Variants in MAK observed in about 807,000 individuals in gnomAD.
The protein encoded by MAK is male germ cell associated kinase.
MAK carries 65 observed loss-of-function variants against 82.6 expected under a neutral mutation model. The observed-to-expected ratio is 0.79, with a 90% CI of 0.64 to 0.97. The LOEUF is 0.97. MAK is among the 50% of genes least tolerant of loss of function. The pLI is 0.00. For synonymous variants in MAK, 250 were observed against 274.2 expected (o/e 0.91, Z 0.87); for missense variants, 703 against 780.2 (o/e 0.90, Z 1.18).
intron 2 of MAK, among the ~76,000 whole-genome samples, chr6:10,821,943 G>A (rs914644672): frequency 1.3e-5 from 2 of 150,662 alleles, no homozygotes; most frequent in Non-Finnish European, 1.5e-5. Context: ...GTCAGGAGAT[G>A]GAGACCCTCC....
chr6:10,784,833 G>A, intron 10 of MAK: 1 of 608,194 alleles, frequency 1.6e-6, no homozygotes, highest in Non-Finnish European at 3.1e-6. Flanking sequence ...TGTGTAACAT[G>A]TTTCTATCTG....
intron 6 of MAK, among the ~76,000 whole-genome samples, chr6:10,804,452 C>G (rs1221428416): frequency 6.6e-6 from 1 of 152,188 alleles, no homozygotes; most frequent in East Asian, 1.9e-4. Flanking sequence ...AAGTGATTAT[C>G]CTGCCTCAGC....
chr6:10,835,504 C>T (rs1185761060), intron 1 of MAK, among the ~76,000 whole-genome samples: 1 of 152,250 alleles, frequency 6.6e-6, no homozygotes, highest in East Asian at 1.9e-4. Context: ...ATGTGATCCA[C>T]CTGCCTCGGC....
At chr6:10,831,285 T>C (rs1562009986) in intron 1 of MAK, among the ~76,000 whole-genome samples, 1 of 152,238 alleles carries the variant, frequency 6.6e-6, no homozygotes, top group Non-Finnish European at 1.5e-5. Flanking sequence ...GGAATATAAG[T>C]ACCCCAATTG....
At chr6:10,795,855 T>G in intron 9 of MAK, 143 bp downstream of exon 9, 1 of 846,554 alleles carries the variant, frequency 1.2e-6, no homozygotes, top group South Asian at 1.5e-5. Flanking sequence ...TGATCTCATG[T>G]CAAGCTCCAA....
chr6:10,832,403 G>T (rs1778875696), intron 1 of MAK, among the ~76,000 whole-genome samples: 1 of 152,228 alleles, frequency 6.6e-6, no homozygotes, highest in Non-Finnish European at 1.5e-5. Flanking sequence ...ATATTACAGA[G>T]AAATCTTTTA....
At chr6:10,829,539 C>T (rs964338304) in intron 2 of MAK, among the ~76,000 whole-genome samples, 2 of 152,102 alleles carry the variant, frequency 1.3e-5, no homozygotes, top group Admixed American at 1.3e-4. Context: ...GCACGCCAGC[C>T]TGGGCAACAG....
chr6:10,775,469 A>G lies in MAK; in HGVS notation c.1466-10T>C. Reference sequence around the variant, plus strand: ...TTCTTGGGATTCACACCTGAGAAGAACAAAACAACCACTTCAAAGGTTAGA... The same window carrying G: ...TTCTTGGGATTCACACCTGAGAAGAGCAAAACAACCACTTCAAAGGTTAGA... On this transcript the variant is annotated splice_polypyrimidine_tract_variant and intron_variant, in intron 11 of 14. Coordinates refer to ENST00000354489, the MANE Select transcript of MAK (RefSeq NM_001242957.3). The G allele has an allele frequency of 6.2e-7, 1 of 1,612,058 alleles. No individual in the cohort carries two copies. The highest frequency in any genetic ancestry group is 1.1e-5 in the South Asian group (1 of 91,008).
At chr6:10,813,848 A>C in intron 4 of MAK, 125 bp from the exon 5 acceptor site, 2 of 726,942 alleles carry the variant, frequency 2.8e-6, no homozygotes, top group Non-Finnish European at 5.1e-6. Context: ...CCTATGATTT[A>C]TAGATTTATA....
chr6:10,814,961 C>T (rs1581742332), intron 4 of MAK, among the ~76,000 whole-genome samples: 2 of 151,530 alleles, frequency 1.3e-5, no homozygotes, highest in South Asian at 2.1e-4. Flanking sequence ...CGCTTGAACC[C>T]GGAGGGTGGA....
intron 5 of MAK, among the ~76,000 whole-genome samples, chr6:10,813,124 ATATATATATAAATTTTTT>A (rs1561987470): frequency 0.013 from 11 of 818 alleles, no homozygotes; most frequent in East Asian, 0.062. Context: ...ATATATATAT[ATATATATATAAATTTTTT>A]TTTTTTTTTT....
rs126405 is a variant in MAK, at chr6:10,764,494, A to G, written c.1905T>C (p.His635=). 1,278,898 of 1,613,428 alleles carry G rather than the reference A, an allele frequency of 0.79. 508,641 individuals carry two copies. Among genetic ancestry groups the G allele is most frequent in the African/African-American group, 0.94 (70,236 of 74,968 alleles). The change falls in exon 15 of 15, where the codon CAT becomes CAC. Residue 635 remains histidine, a synonymous_variant. Coordinates refer to ENST00000354489, the MANE Select transcript of MAK (RefSeq NM_001242957.3). ...VNRAQPIPSV[H]GRTDWVAKYG... is the part of the protein sequence containing the mutation. ...ACTTGGCCACCCAGTCTGTCCTCCC[A>G]TGCACTGAGGGAATGGGCTGTGCAC...
intron 6 of MAK, among the ~76,000 whole-genome samples, chr6:10,806,821 A>G (rs1285306846): frequency 3.9e-5 from 6 of 152,004 alleles, no homozygotes; most frequent in South Asian, 4.1e-4. Context: ...TTGATGCAGC[A>G]TAAAAACCCA....
At chr6:10,765,436 G>A (rs1772318414) in intron 14 of MAK, among the ~76,000 whole-genome samples, 1 of 129,416 alleles carries the variant, frequency 7.7e-6, no homozygotes, top group South Asian at 2.5e-4. Context: ...GTTTTAGAAT[G>A]AAGATTTTTT....
rs1182257431 is a variant in MAK, at chr6:10,801,943, G to A, written c.780C>T (p.Leu260=). The A allele has an allele frequency of 1.2e-6, 2 of 1,613,922 alleles. No individual in the cohort carries two copies. The highest frequency in any genetic ancestry group is 1.7e-5 in the Admixed American group (1 of 59,988). The change falls in exon 8 of 15, where the codon CTC becomes CTT. Residue 260 remains leucine, a synonymous_variant. Transcript: ENST00000354489. ...GATCCCAATTCAACATTTCGGTCAT[G>A]AGCTGAATAGCTTCATTACTGGCAT... The part of the protein sequence containing the change: ...IPNASNEAIQ[L]MTEMLNWDPK...
intron 6 of MAK, among the ~76,000 whole-genome samples, chr6:10,805,619 G>A (rs1289108719): frequency 6.6e-6 from 1 of 151,294 alleles, no homozygotes; most frequent in East Asian, 1.9e-4. Flanking sequence ...GACCAGAAAC[G>A]TGCCATAAAA....
intron 9 of MAK, 127 bp from the exon 10 acceptor site, chr6:10,791,974 T>C: frequency 1.1e-6 from 1 of 944,884 alleles, no homozygotes; most frequent in African/African-American, 1.6e-5. Context: ...TGTAAGGGCA[T>C]AACATATATA....
intron 11 of MAK, among the ~76,000 whole-genome samples, chr6:10,779,984 G>A (rs115181859): frequency 0.018 from 2,707 of 152,178 alleles, 78 homozygotes; most frequent in African/African-American, 0.06. Context: ...CACCGCACCC[G>A]GCCAAAGATT....
At chr6:10,780,873 C>T (rs1773904181) in intron 11 of MAK, among the ~76,000 whole-genome samples, 2 of 152,140 alleles carry the variant, frequency 1.3e-5, no homozygotes, top group African/African-American at 4.8e-5. Context: ...CTCAGAATTT[C>T]TTTTTTCTTT....
Sources: allele counts gnomAD v4.1 joint callset (sites outside exome capture counted in the v4.1 genomes callset), GRCh38; gene constraint gnomAD v4.1.1; transcripts MANE v1.5; gene names NCBI Gene and HGNC (gene_info 2026-07-23, HGNC 2026-07-21).